RNF6: variants seen among roughly 807,000 people sequenced by gnomAD.
RNF6 encodes the protein E3 ubiquitin-protein ligase RNF6.
Under a neutral mutation model 50.1 loss-of-function variants are expected in RNF6, and 21 were observed. That is an observed-to-expected ratio of 0.42 (90% confidence interval 0.30 to 0.60). RNF6 has a LOEUF of 0.60. RNF6 is among the 20% of genes least tolerant of loss of function. RNF6 has a pLI of 0.20. For missense variants in RNF6, 698 were observed against 838.2 expected (o/e 0.83, Z 2.07); for synonymous variants, 255 against 291.8 (o/e 0.87, Z 1.29).
chr13:26,204,820 C>A (rs1388736122), intron 5 of RNF6, among the ~76,000 whole-genome samples: 1 of 152,104 alleles, frequency 6.6e-6, no homozygotes, highest in Admixed American at 6.6e-5. Context: ...GAGAGGTATT[C>A]AATTCTAATT....
intron 5 of RNF6, among the ~76,000 whole-genome samples, chr13:26,149,006 G>A (rs28684858): frequency 9.5e-4 from 145 of 151,920 alleles, no homozygotes; most frequent in African/African-American, 3.4e-3. Context: ...TAAAATCCAC[G>A]CACATTATGG....
chr13:26,188,623 CTTTTTTTTTTTTTTTTTTTT>C (rs1163881143), intron 5 of RNF6, among the ~76,000 whole-genome samples: 1 of 43,258 alleles, frequency 2.3e-5, no homozygotes, highest in Admixed American at 3.7e-4. Context: ...GTCAAAAGAG[CTTTTTTTTTTTTTTTTTTTT>C]TTTTTTTTTT....
intron 5 of RNF6, among the ~76,000 whole-genome samples, chr13:26,175,809 T>C (rs1474255825): frequency 3.3e-5 from 5 of 152,200 alleles, no homozygotes; most frequent in African/African-American, 1.2e-4. Flanking sequence ...AATTTCCGAT[T>C]TGAAAATGCA....
intron 5 of RNF6, among the ~76,000 whole-genome samples, chr13:26,201,498 G>A: frequency 6.6e-6 from 1 of 152,276 alleles, no homozygotes; most frequent in Non-Finnish European, 1.5e-5. Context: ...GGGATGTTGG[G>A]GGAGGGGAGG....
chr13:26,201,622 T>C (rs1250028693), intron 5 of RNF6, among the ~76,000 whole-genome samples: 1 of 152,170 alleles, frequency 6.6e-6, no homozygotes, highest in Non-Finnish European at 1.5e-5. Context: ...TAGGACACTA[T>C]CTAGAGGAAT....
Position 26,201,597 on chromosome 13 carries a change from G to T in RNF6, n.768+13877C>A, listed in dbSNP as rs77443961. Among the ~76,000 whole-genome samples, 1,089 of 152,302 alleles carry T rather than the reference G, an allele frequency of 7.2e-3. 9 individuals carry two copies. Among genetic ancestry groups the T allele is most frequent in the Middle Eastern group, 0.027 (8 of 294 alleles). ...GCCAGCCTCAATAAAGCACTTGTTT[G>T]ATTCAATTCTACATTAGGACACTAT... On this transcript the variant is annotated intron_variant and non_coding_transcript_variant, in intron 5 of 5. Coordinates refer to the RNF6 transcript ENST00000468480.
intron 5 of RNF6, among the ~76,000 whole-genome samples, chr13:26,154,996 C>A (rs1871831355): frequency 6.6e-6 from 1 of 151,912 alleles, no homozygotes; most frequent in African/African-American, 2.4e-5. Context: ...CACCACTTCA[C>A]TCCAGCCTGG....
upstream of RNF6, chr13:26,222,453 G>T (rs1225514187): frequency 6.6e-6 from 1 of 152,320 alleles, no homozygotes; most frequent in African/African-American, 2.4e-5. Context: ...GCAGAGACAC[G>T]GTCTGCTTTC....
At chr13:26,193,338 G>A (rs1447130592) in intron 5 of RNF6, among the ~76,000 whole-genome samples, 1 of 152,168 alleles carries the variant, frequency 6.6e-6, no homozygotes, top group Non-Finnish European at 1.5e-5. Flanking sequence ...AGATTGAGAA[G>A]AGGTCAGTAA....
chr13:26,190,953 A>T (rs1868428970), intron 5 of RNF6, among the ~76,000 whole-genome samples: 2 of 152,212 alleles, frequency 1.3e-5, no homozygotes, highest in Admixed American at 1.3e-4. Flanking sequence ...GAGTCATATG[A>T]AATGTCGGAA....
chr13:26,193,684 T>A (rs888363493), intron 5 of RNF6, among the ~76,000 whole-genome samples: 1 of 152,166 alleles, frequency 6.6e-6, no homozygotes, highest in South Asian at 2.1e-4. Flanking sequence ...AGAGAGTTTT[T>A]AAAATACCCT....
chr13:26,137,520 G>A (rs73158236), intron 5 of RNF6, among the ~76,000 whole-genome samples: 21,470 of 151,814 alleles, frequency 0.14, 1,950 homozygotes, highest in Admixed American at 0.21. Context: ...TCTAGACTTT[G>A]GGCTTATTAG....
chr13:26,186,932 C>T (rs1873578373), intron 5 of RNF6, among the ~76,000 whole-genome samples: 1 of 152,180 alleles, frequency 6.6e-6, no homozygotes, highest in Non-Finnish European at 1.5e-5. Context: ...CGCCCGCCAC[C>T]ACGCCCGGCT....
At chr13:26,185,363 CATAA>C (rs1404623793) in intron 5 of RNF6, among the ~76,000 whole-genome samples, 1 of 152,024 alleles carries the variant, frequency 6.6e-6, no homozygotes, top group Non-Finnish European at 1.5e-5. Context: ...TGTAATAATA[CATAA>C]ATATATATAT....
At chr13:26,160,614 G>A (rs1326105037) in intron 5 of RNF6, among the ~76,000 whole-genome samples, 1 of 149,980 alleles carries the variant, frequency 6.7e-6, no homozygotes, top group Non-Finnish European at 1.5e-5. Flanking sequence ...ATGCTGTGAG[G>A]TAGGACCCTA....
At chr13:26,211,346 C>G (rs1869313473), downstream of RNF6, among the ~76,000 whole-genome samples, 1 of 152,204 alleles carries the variant, frequency 6.6e-6, no homozygotes, top group Admixed American at 6.5e-5. Context: ...GTCAAAGAAT[C>G]AATATGCCTT....
intron 1 of RNF6, 49 bp downstream of exon 1, chr13:26,221,954 G>C (rs1870555038): frequency 6.6e-6 from 1 of 152,412 alleles, no homozygotes; most frequent in Non-Finnish European, 1.5e-5. Context: ...GCTTTCCCCG[G>C]CGTCTCCAGG....
At chr13:26,181,166 C>T (rs1402198306) in intron 5 of RNF6, among the ~76,000 whole-genome samples, 1 of 152,166 alleles carries the variant, frequency 6.6e-6, no homozygotes, top group Non-Finnish European at 1.5e-5. Flanking sequence ...TTCCATTCCC[C>T]GCCCCTGTGC....
chr13:26,196,636 AAAATAAAT>A (rs57251514), intron 5 of RNF6, among the ~76,000 whole-genome samples: 3 of 151,154 alleles, frequency 2.0e-5, no homozygotes, highest in African/African-American at 4.9e-5. Context: ...CTTTCTCCAA[AAAATAAAT>A]AAATAAATAA....
Sources: allele counts gnomAD v4.1 joint callset (sites outside exome capture counted in the v4.1 genomes callset), GRCh38; gene constraint gnomAD v4.1.1; transcripts MANE v1.5; gene names NCBI Gene and HGNC (gene_info 2026-07-23, HGNC 2026-07-21).